Variants in EPM2A observed in about 807,000 individuals in gnomAD.
EPM2A encodes EPM2A glucan phosphatase, laforin.
In EPM2A, 21 loss-of-function variants were observed where a neutral mutation model predicts 26.5. The observed-to-expected ratio is 0.79, with a 90% CI of 0.56 to 1.14. The LOEUF (loss-of-function observed/expected upper bound fraction) is 1.14. Ranked by LOEUF, EPM2A falls within the 50% of genes most tolerant of loss-of-function variation. The pLI is 0.00. For missense variants in EPM2A, 458 were observed against 440.8 expected, an observed-to-expected ratio of 1.04 and a Z score of -0.35; for synonymous variants, 217 against 177.6, an observed-to-expected ratio of 1.22 and a Z score of -1.76.
chr6:145,619,713 A>T (rs73784067), intron 2 of EPM2A, among the ~76,000 whole-genome samples: 10,195 of 151,014 alleles, frequency 0.068, 1,149 homozygotes, highest in African/African-American at 0.23. Context: ...CCTCACAATT[A>T]AAAAAAAAAT....
intron 4 of EPM2A, among the ~76,000 whole-genome samples, chr6:145,448,082 G>A (rs6906988): frequency 0.64 from 97,313 of 151,968 alleles, 32,619 homozygotes; most frequent in East Asian, 0.8. Context: ...GTATGTATAA[G>A]ATACAATTTC....
chr6:145,442,097 T>C (rs979634061), intron 4 of EPM2A, among the ~76,000 whole-genome samples: 5 of 152,176 alleles, frequency 3.3e-5, no homozygotes, highest in African/African-American at 1.2e-4. Context: ...CATCTCCATC[T>C]GAGACCACCT....
intron 2 of EPM2A, among the ~76,000 whole-genome samples, chr6:145,578,050 G>C (rs1781059430): frequency 6.6e-6 from 1 of 151,916 alleles, no homozygotes; most frequent in Non-Finnish European, 1.5e-5. Flanking sequence ...TATAGCAAAA[G>C]AAGTACTAAA....
At chr6:145,732,847 C>T (rs981087403) in intron 1 of EPM2A, among the ~76,000 whole-genome samples, 1 of 152,128 alleles carries the variant, frequency 6.6e-6, no homozygotes, top group African/African-American at 2.4e-5. Context: ...TACCATATGT[C>T]CTCTTGTAAG....
intron 2 of EPM2A, among the ~76,000 whole-genome samples, chr6:145,645,202 T>C (rs751537454): frequency 5.3e-5 from 8 of 152,316 alleles, no homozygotes; most frequent in African/African-American, 7.2e-5. Context: ...TTGGTAAAAA[T>C]TGATCTTAAA....
At chr6:145,458,524 T>C (rs920032150) in intron 4 of EPM2A, among the ~76,000 whole-genome samples, 1 of 152,172 alleles carries the variant, frequency 6.6e-6, no homozygotes, top group Admixed American at 6.5e-5. Context: ...AGATTTAGTC[T>C]TGCCTCCTAT....
At chr6:145,732,236 T>TGTGC (rs374032616) in intron 1 of EPM2A, among the ~76,000 whole-genome samples, 4,684 of 132,064 alleles carry the variant, frequency 0.035, 85 homozygotes, top group Middle Eastern at 0.061. Context: ...TGTGTGTGTG[T>TGTGC]GCGCGCCAAA....
intron 1 of EPM2A, among the ~76,000 whole-genome samples, chr6:145,711,040 G>A (rs918592402): frequency 6.6e-6 from 1 of 151,814 alleles, no homozygotes; most frequent in African/African-American, 2.4e-5. Context: ...GTTAATGGGT[G>A]CAGCACACCA....
At chr6:145,462,424 A>G (rs1779338110) in intron 4 of EPM2A, among the ~76,000 whole-genome samples, 1 of 152,192 alleles carries the variant, frequency 6.6e-6, no homozygotes, top group South Asian at 2.1e-4. Context: ...TTACATAAGT[A>G]TATTTTTCCA....
At chr6:145,677,106 G>A (rs765484771) in intron 2 of EPM2A, among the ~76,000 whole-genome samples, 9 of 152,054 alleles carry the variant, frequency 5.9e-5, no homozygotes, top group Non-Finnish European at 1.2e-4. Flanking sequence ...GGCTTCATCC[G>A]TGGGATGCAA....
chr6:145,520,103 T>C (rs1290762028), intron 2 of EPM2A, among the ~76,000 whole-genome samples: 3 of 152,216 alleles, frequency 2.0e-5, no homozygotes, highest in Non-Finnish European at 1.5e-5. Flanking sequence ...CTCTTTAAAG[T>C]TCTTTCCTGA....
rs183039768 is a variant in EPM2A at position 145,644,294 on chromosome 6, C to T, written c.477-8808G>A. 2.4e-3 allele frequency among the ~76,000 whole-genome samples: 364 copies of T among 151,928 alleles called. 1 individual carries two copies. Among genetic ancestry groups the T allele is most frequent in the African/African-American group, 5.4e-3 (224 of 41,476 alleles). ...TTTAAAATCTCTTTTGCCTTTTTTT[C>T]GTGAATTCCCAGTGAGCAAGCTGCA... is the stretch of plus-strand genomic sequence containing the variant. On this transcript the variant is annotated intron_variant, in intron 2 of 3. Coordinates refer to ENST00000367519, the MANE Select transcript of EPM2A (RefSeq NM_005670.4).
At chr6:145,633,170 G>C (rs1776394129) in intron 3 of EPM2A, among the ~76,000 whole-genome samples, 2 of 152,166 alleles carry the variant, frequency 1.3e-5, no homozygotes, top group Admixed American at 1.3e-4. Flanking sequence ...GGTTGGGATG[G>C]GATGGCGGGG....
chr6:145,653,269 G>C (rs552433996), intron 2 of EPM2A, among the ~76,000 whole-genome samples: 1 of 152,222 alleles, frequency 6.6e-6, no homozygotes, highest in East Asian at 1.9e-4. Flanking sequence ...TTGTGATAGG[G>C]GGTGATTTCT....
chr6:145,669,613 T>C (rs1205727521), intron 2 of EPM2A, among the ~76,000 whole-genome samples: 1 of 152,182 alleles, frequency 6.6e-6, no homozygotes, highest in Non-Finnish European at 1.5e-5. Context: ...AAAAACATCA[T>C]ATAAAATTTC....
At chr6:145,464,917 T>C (rs1379416666) in intron 4 of EPM2A, among the ~76,000 whole-genome samples, 1 of 152,134 alleles carries the variant, frequency 6.6e-6, no homozygotes, top group African/African-American at 2.4e-5. Flanking sequence ...ATTTTTTCCT[T>C]CATTTCAACT....
At chr6:145,723,198 G>A (rs1454718811) in intron 1 of EPM2A, among the ~76,000 whole-genome samples, 1 of 152,072 alleles carries the variant, frequency 6.6e-6, no homozygotes, top group Admixed American at 6.6e-5. Flanking sequence ...GTTTGTGCAG[G>A]ACAAATGAAA....
chr6:145,597,933 C>T lies in EPM2A; in HGVS notation c.340+37312G>A, dbSNP rs951980314. Among the ~76,000 whole-genome samples the T allele has an allele frequency of 3.5e-4, 54 of 152,262 alleles. 1 individual carries two copies. Among genetic ancestry groups the T allele is most frequent in the African/African-American group, 1.2e-3 (50 of 41,562 alleles). Reference sequence around the variant, plus strand: ...TCTTTTTTATGACTGCATAGTATTCCGTGGTATGTATGTACCACATTTTCT... The same window carrying T: ...TCTTTTTTATGACTGCATAGTATTCTGTGGTATGTATGTACCACATTTTCT... On this transcript the variant is annotated intron_variant, in intron 2 of 3. Transcript: ENST00000450221.
At chr6:145,658,517 A>G (rs1171302646) in intron 2 of EPM2A, among the ~76,000 whole-genome samples, 4 of 152,208 alleles carry the variant, frequency 2.6e-5, no homozygotes, top group Non-Finnish European at 5.9e-5. Flanking sequence ...TTCATTTAAA[A>G]TACAACCAAA....
Sources: gnomAD v4.1 joint callset for allele counts (sites outside exome capture counted in the v4.1 genomes callset) on GRCh38, gnomAD v4.1.1 for gene constraint, MANE v1.5 for transcripts, NCBI Gene and HGNC (gene_info 2026-07-23, HGNC 2026-07-21) for gene names.